USP13: variants seen among roughly 807,000 people sequenced by gnomAD.
USP13 encodes the protein ubiquitin specific peptidase 13.
In USP13, 68 loss-of-function variants were observed where a neutral mutation model predicts 107.8. The observed-to-expected ratio is 0.63, with a 90% confidence interval of 0.52 to 0.77. The LOEUF is 0.77. USP13 is among the 30% of genes least tolerant of loss of function. USP13 has a pLI of 0.00. For missense variants in USP13, 945 were observed against 1,093.3 expected (o/e 0.86, Z 1.91); for synonymous variants, 377 against 389.5 (o/e 0.97, Z 0.38).
intron 1 of USP13, among the ~76,000 whole-genome samples, chr3:179,674,952 G>C (rs1720851209): frequency 6.6e-6 from 1 of 152,044 alleles, no homozygotes; most frequent in Non-Finnish European, 1.5e-5. Flanking sequence ...CAGGTGGATC[G>C]ATCACAAGGT....
chr3:179,720,160 C>A, intron 7 of USP13, 126 bp downstream of exon 7: 1 of 590,594 alleles, frequency 1.7e-6, no homozygotes, highest in Non-Finnish European at 2.6e-6. Flanking sequence ...TAGGTTTTAG[C>A]TTTTAATTGT....
At chr3:179,674,701 A>G (rs752231028) in intron 1 of USP13, among the ~76,000 whole-genome samples, 11 of 151,848 alleles carry the variant, frequency 7.2e-5, no homozygotes, top group Non-Finnish European at 1.0e-4. Context: ...TTTGCTCTCT[A>G]GAAAGGCTGA....
chr3:179,704,310 G>A (rs1376273313), intron 4 of USP13, among the ~76,000 whole-genome samples: 3 of 152,180 alleles, frequency 2.0e-5, no homozygotes, highest in East Asian at 1.9e-4. Context: ...AGAACGTTTA[G>A]AAAAGATCTA....
At chr3:179,726,705 T>C (rs1207307064) in intron 8 of USP13, among the ~76,000 whole-genome samples, 1 of 150,240 alleles carries the variant, frequency 6.7e-6, no homozygotes, top group Non-Finnish European at 1.5e-5. Context: ...TGAGATAGGG[T>C]CTTGCTGTGT....
At chr3:179,657,762 C>CAAAAAAAAAAAAAA (rs35377039) in intron 1 of USP13, among the ~76,000 whole-genome samples, 5 of 73,854 alleles carry the variant, frequency 6.8e-5, no homozygotes, top group African/African-American at 2.1e-4. Context: ...AATTCCGTCT[C>CAAAAAAAAAAAAAA]AAAAAAAAAA....
intron 9 of USP13, 108 bp downstream of exon 9, chr3:179,730,368 TA>T: frequency 8.5e-7 from 1 of 1,176,700 alleles, no homozygotes; most frequent in Non-Finnish European, 1.2e-6. Context: ...CATGTATTTT[TA>T]AAAAAGTGTT....
intron 13 of USP13, among the ~76,000 whole-genome samples, chr3:179,750,326 G>A (rs6793476): frequency 1.4e-3 from 106 of 75,842 alleles, no homozygotes; most frequent in African/African-American, 3.8e-3. Context: ...ATATATGTGT[G>A]TATATATATA....
intron 3 of USP13, among the ~76,000 whole-genome samples, chr3:179,694,799 C>CAAA (rs576517737): frequency 1.3e-4 from 11 of 82,024 alleles, no homozygotes; most frequent in African/African-American, 3.7e-4. Context: ...AACTCCATCT[C>CAAA]AAAAAAAAAA....
intron 1 of USP13, among the ~76,000 whole-genome samples, chr3:179,654,594 T>C (rs535628488): frequency 6.6e-6 from 1 of 152,208 alleles, no homozygotes; most frequent in Non-Finnish European, 1.5e-5. Flanking sequence ...GTTATTTTTA[T>C]CCACCCACTT....
intron 13 of USP13, among the ~76,000 whole-genome samples, chr3:179,749,493 G>A (rs1714521846): frequency 6.6e-6 from 1 of 152,144 alleles, no homozygotes; most frequent in South Asian, 2.1e-4. Flanking sequence ...AACTGTGCTA[G>A]ATTTAACTAA....
rs190863190 is a variant in USP13, at chr3:179,736,665, C to T, written c.1255-3582C>T. On this transcript the variant is annotated intron_variant, in intron 10 of 20. Transcript: ENST00000263966. ...ATTAAGAAAAGTTGGTTAAGGAAAA[C>T]GAAGAAATGAAATGGTCACAGAAGT... Among the ~76,000 whole-genome samples, 118 of 152,238 alleles carry T rather than the reference C, an allele frequency of 7.8e-4. 2 individuals are homozygous for T. In the East Asian group the frequency reaches 0.018, roughly 23 times the overall value.
chr3:179,726,703 G>A (rs1021825534), intron 8 of USP13, among the ~76,000 whole-genome samples: 45 of 151,488 alleles, frequency 3.0e-4, no homozygotes, highest in African/African-American at 1.1e-3. Flanking sequence ...TTTGAGATAG[G>A]GTCTTGCTGT....
In USP13 at chr3:179,653,286, G is replaced by A. The variant is rs373833022; in HGVS notation, c.61G>A (p.Ala21Thr). 26 of 1,571,746 alleles carry A rather than the reference G, an allele frequency of 1.7e-5. No homozygotes were observed. In the East Asian group the frequency reaches 3.3e-4, roughly 20 times the overall value. The change falls in exon 1 of 21, where the codon GCA becomes ACA. Residue 21 changes from alanine (A) to threonine (T), a missense_variant. Ala to Thr is a moderately conservative substitution (Grantham distance 58, BLOSUM62 0). Transcript: ENST00000263966. The surrounding 1 kb of genome is among the most constrained non-coding windows in gnomAD (Gnocchi z 4.0). Reference protein sequence around the residue: ...PGGSGGRKMAAGDIGELLVPH... With the variant: ...PGGSGGRKMATGDIGELLVPH... Reference sequence around the variant, plus strand: ...CGGCAGCGGAGGCAGGAAGATGGCTGCAGGAGACATCGGCGAGCTGCTAGT... The same window carrying A: ...CGGCAGCGGAGGCAGGAAGATGGCTACAGGAGACATCGGCGAGCTGCTAGT...
chr3:179,727,210 G>C (rs542058511), intron 8 of USP13, among the ~76,000 whole-genome samples: 1 of 126,380 alleles, frequency 7.9e-6, no homozygotes, highest in Non-Finnish European at 1.6e-5. Context: ...GGTGTTTCTC[G>C]CAGAGGGGGA....
At chr3:179,704,824 G>A (rs1390071497) in intron 4 of USP13, among the ~76,000 whole-genome samples, 1 of 152,214 alleles carries the variant, frequency 6.6e-6, no homozygotes, top group African/African-American at 2.4e-5. Flanking sequence ...TTATAAGCTT[G>A]TTGAGGCCGG....
chr3:179,671,057 A>G (rs1720737444), intron 1 of USP13, among the ~76,000 whole-genome samples: 1 of 152,016 alleles, frequency 6.6e-6, no homozygotes, highest in Admixed American at 6.6e-5. Flanking sequence ...GTTCGAGACC[A>G]GTCTGGACAA....
intron 10 of USP13, among the ~76,000 whole-genome samples, chr3:179,739,627 G>A (rs778370238): frequency 2.6e-5 from 4 of 151,472 alleles, no homozygotes; most frequent in Admixed American, 6.6e-5. Context: ...GTGTGATCTC[G>A]GCTCACTGCA....
intron 5 of USP13, 29 bp from the exon 6 acceptor site, chr3:179,708,744 G>A: frequency 6.2e-7 from 1 of 1,612,086 alleles, no homozygotes; most frequent in Non-Finnish European, 8.5e-7. Context: ...TGCCCTGGCT[G>A]TTCTGACTAC....
intron 6 of USP13, among the ~76,000 whole-genome samples, chr3:179,711,873 T>C (rs1712943236): frequency 6.6e-6 from 1 of 152,254 alleles, no homozygotes; most frequent in Non-Finnish European, 1.5e-5. Flanking sequence ...TTATTATTAT[T>C]ATCAAGAATT....
Sources: gnomAD v4.1 joint callset for allele counts (sites outside exome capture counted in the v4.1 genomes callset) on GRCh38, gnomAD v4.1.1 for gene constraint, Gnocchi (gnomAD v3.1) non-coding constraint, MANE v1.5 for transcripts, NCBI Gene and HGNC (gene_info 2026-07-23, HGNC 2026-07-21) for gene names.